RBFOX1: variants seen among roughly 807,000 people sequenced by gnomAD.
The protein encoded by RBFOX1 is RNA binding protein fox-1 homolog 1.
A neutral mutation model predicts 57.7 loss-of-function variants in RBFOX1; 8 were observed. That is an observed-to-expected ratio of 0.14 (90% CI 0.08 to 0.25). The LOEUF (loss-of-function observed/expected upper bound fraction) is 0.25. RBFOX1 is among the 10% of genes least tolerant of loss of function. RBFOX1 has a pLI of 1.00. For missense variants in RBFOX1, 611 were observed against 548.5 expected, an observed-to-expected ratio of 1.11 and a Z score of -1.14; for synonymous variants, 326 against 222.4, an observed-to-expected ratio of 1.47 and a Z score of -4.15.
intron 4 of RBFOX1, among the ~76,000 whole-genome samples, chr16:7,432,155 T>A (rs937820077): frequency 5.9e-5 from 9 of 152,186 alleles, no homozygotes; most frequent in Admixed American, 4.6e-4. Context: ...TCAGCAGGGG[T>A]GCCTGCTGGC....
intron 3 of RBFOX1, among the ~76,000 whole-genome samples, chr16:5,740,480 T>C (rs1367252658): frequency 6.6e-6 from 1 of 152,144 alleles, no homozygotes; most frequent in Non-Finnish European, 1.5e-5. Flanking sequence ...CCTTGTAAAG[T>C]TTTCTGTAGC....
intron 2 of RBFOX1, among the ~76,000 whole-genome samples, chr16:6,462,401 G>A (rs114735959): frequency 0.015 from 2,224 of 152,234 alleles, 57 homozygotes; most frequent in African/African-American, 0.051. Context: ...CATGGTTATT[G>A]TCCACACATG....
chr16:7,697,022 G>T (rs1455533453), intron 14 of RBFOX1, among the ~76,000 whole-genome samples: 1 of 152,138 alleles, frequency 6.6e-6, no homozygotes, highest in East Asian at 1.9e-4. Context: ...AGGACTTGGA[G>T]GCTGCAGAAC....
intron 3 of RBFOX1, among the ~76,000 whole-genome samples, chr16:6,909,477 C>G (rs978266601): frequency 1.3e-5 from 2 of 152,218 alleles, no homozygotes; most frequent in Non-Finnish European, 2.9e-5. Context: ...ATGCAGGCAT[C>G]TTTGGCATGA....
At chr16:6,261,912 C>T (rs1014388310) in intron 1 of RBFOX1, among the ~76,000 whole-genome samples, 4 of 152,060 alleles carry the variant, frequency 2.6e-5, no homozygotes, top group Admixed American at 6.6e-5. Flanking sequence ...CATCGATAAT[C>T]CCAGATACTT....
chr16:6,805,180 G>C (rs529680906), intron 3 of RBFOX1, among the ~76,000 whole-genome samples: 2 of 151,946 alleles, frequency 1.3e-5, no homozygotes, highest in East Asian at 1.9e-4. Flanking sequence ...AGAAAATGTG[G>C]TACATCTACA....
chr16:6,693,739 C>T (rs1284996754), intron 3 of RBFOX1, among the ~76,000 whole-genome samples: 2 of 151,900 alleles, frequency 1.3e-5, no homozygotes, highest in East Asian at 3.9e-4. Flanking sequence ...CATCCTCATC[C>T]TCATCCACTA....
Position 7,588,606 on chromosome 16 carries a change from A to C in RBFOX1, c.468+1306A>C, listed in dbSNP as rs184496719. ...TCAGACTATGAATGCAAATGTTGAG[A>C]GATAGTGATTTCAGCCCATTGACTC... On this transcript the variant is annotated intron_variant, in intron 7 of 15. Transcript: ENST00000550418. 1.7e-3 allele frequency among the ~76,000 whole-genome samples: 257 copies of C among 152,196 alleles called. 2 individuals carry two copies. Among genetic ancestry groups the C allele is most frequent in the African/African-American group, 5.8e-3 (242 of 41,526 alleles).
chr16:5,691,970 G>A (rs1362034788), intron 3 of RBFOX1, among the ~76,000 whole-genome samples: 3 of 152,036 alleles, frequency 2.0e-5, no homozygotes, highest in Non-Finnish European at 4.4e-5. Flanking sequence ...AAGGCTGAGT[G>A]TCACATTCTT....
At chr16:7,052,306 T>G (rs137914320) in intron 4 of RBFOX1, among the ~76,000 whole-genome samples, 1 of 152,234 alleles carries the variant, frequency 6.6e-6, no homozygotes, top group Non-Finnish European at 1.5e-5. Context: ...ATAGTAGATA[T>G]GGATTTTTTG....
intron 2 of RBFOX1, among the ~76,000 whole-genome samples, chr16:6,482,761 C>T (rs2095392150): frequency 1.3e-5 from 2 of 151,962 alleles, no homozygotes; most frequent in Admixed American, 6.6e-5. Flanking sequence ...AGATTGGGGG[C>T]GCGGTGCTGG....
chr16:5,825,116 C>T (rs994113418), intron 3 of RBFOX1, among the ~76,000 whole-genome samples: 2 of 152,216 alleles, frequency 1.3e-5, no homozygotes, highest in East Asian at 1.9e-4. Flanking sequence ...GGTCTGTTGT[C>T]ATGGTTAAGT....
chr16:6,661,238 T>A (rs1323240239), intron 3 of RBFOX1, among the ~76,000 whole-genome samples: 2 of 152,040 alleles, frequency 1.3e-5, no homozygotes, highest in African/African-American at 4.8e-5. Context: ...AAGACTTGAG[T>A]GTTGAAAGCT....
chr16:6,953,712 A>G (rs940057241), intron 3 of RBFOX1, among the ~76,000 whole-genome samples: 3 of 152,306 alleles, frequency 2.0e-5, no homozygotes, highest in East Asian at 1.9e-4. Context: ...ATTTACACAT[A>G]CATACATATA....
chr16:5,979,827 G>A (rs1843085079), intron 4 of RBFOX1, among the ~76,000 whole-genome samples: 1 of 152,100 alleles, frequency 6.6e-6, no homozygotes, highest in Non-Finnish European at 1.5e-5. Flanking sequence ...GTACCACTGC[G>A]CTCCAGCCTG....
chr16:7,154,275 C>A (rs138527734), intron 4 of RBFOX1, among the ~76,000 whole-genome samples: 27 of 152,284 alleles, frequency 1.8e-4, no homozygotes, highest in Admixed American at 5.2e-4. Context: ...TACTTAGTTA[C>A]AAGCTCTAGT....
intron 2 of RBFOX1, among the ~76,000 whole-genome samples, chr16:6,514,354 G>T (rs1361772396): frequency 6.6e-6 from 1 of 152,126 alleles, no homozygotes; most frequent in South Asian, 2.1e-4. Context: ...AAGAGCTTCT[G>T]TGTCTTTCAG....
At chr16:6,450,311 G>C (rs541846007) in intron 2 of RBFOX1, among the ~76,000 whole-genome samples, 1 of 152,268 alleles carries the variant, frequency 6.6e-6, no homozygotes, top group East Asian at 1.9e-4. Context: ...GAGTGGGTTA[G>C]TCACTTACCT....
intron 4 of RBFOX1, among the ~76,000 whole-genome samples, chr16:7,083,696 T>C (rs1303575219): frequency 6.6e-6 from 1 of 152,250 alleles, no homozygotes; most frequent in Non-Finnish European, 1.5e-5. Flanking sequence ...ATGTTCACTT[T>C]CAGCTATTTC....
Sources: gnomAD v4.1 joint callset for allele counts (sites outside exome capture counted in the v4.1 genomes callset) on GRCh38, gnomAD v4.1.1 for gene constraint, MANE v1.5 for transcripts, NCBI Gene and HGNC (gene_info 2026-07-23, HGNC 2026-07-21) for gene names.